HUNK: variants seen among roughly 807,000 people sequenced by gnomAD.
HUNK encodes hormonally up-regulated neu tumor-associated kinase.
Under a neutral mutation model 61.0 loss-of-function variants are expected in HUNK, and 21 were observed. The observed-to-expected ratio is 0.34, with a 90% CI of 0.24 to 0.50. The LOEUF (loss-of-function observed/expected upper bound fraction) is 0.50. Among genes scored for constraint, HUNK ranks in the 20% least tolerant of loss-of-function variants. The probability of loss-of-function intolerance (pLI) is 0.98; values close to 1 mark genes in which losing one functional copy is unlikely to be tolerated. For missense variants in HUNK, 772 were observed against 945.7 expected (o/e 0.82, Z 2.41); for synonymous variants, 371 against 386.1 (o/e 0.96, Z 0.46).
intron 1 of HUNK, among the ~76,000 whole-genome samples, chr21:31,912,149 C>T (rs1338728529): frequency 2.6e-5 from 4 of 152,186 alleles, no homozygotes; most frequent in African/African-American, 9.6e-5. Context: ...CCTCCCTCCC[C>T]ATCTTCTTTC....
At position 32,001,544 on chromosome 21, in the gene HUNK, A is replaced by C. The variant is rs543079036; in HGVS notation, c.*2360A>C. 6.6e-6 allele frequency: 1 copy of C among 152,546 alleles called. No homozygotes were observed. The highest frequency in any genetic ancestry group is 2.4e-5 in the African/African-American group (1 of 41,410). The allele number at this position is 152,546 out of a possible 1,614,324, so 9.4% of individuals were successfully genotyped here. A position where few individuals can be genotyped will look rare whatever the true frequency, so the allele number is the denominator to read the frequency against. On this transcript the variant is annotated 3_prime_UTR_variant, in exon 11 of 11. Coordinates refer to ENST00000270112, the MANE Select transcript of HUNK (RefSeq NM_014586.2). ...TGGCAGGCTTCAAGAACAGCTGCAC[A>C]TGTGCCGCTAACTGACCGCGTTGCC...
Position 31,924,176 on chromosome 21 carries a change from C to T in HUNK, c.262-292C>T, listed in dbSNP as rs1601380896. ...ATTTGACATTAATCCTGCACTGTGC[C>T]TTCCAGACAGCCATTCAGGTTTTCT... On this transcript the variant is annotated intron_variant, in intron 1 of 10. Coordinates refer to ENST00000270112, the MANE Select transcript of HUNK (RefSeq NM_014586.2). This position sits in a 1 kb window ranked among gnomAD's most constrained non-coding sequence, Gnocchi z 5.1. Among the ~76,000 whole-genome samples, 1 of 152,096 alleles carries T rather than the reference C, an allele frequency of 6.6e-6. No individual in the cohort carries two copies. The highest frequency in any genetic ancestry group is 1.5e-5 in the Non-Finnish European group (1 of 68,026).
In HUNK at chr21:32,002,050, GT is replaced by G. The variant is rs1340800257; in HGVS notation, c.*2868del. 6.6e-6 allele frequency: 1 copy of G among 152,534 alleles called. No homozygotes were observed. The allele number at this position is 152,534 out of a possible 1,614,324, so 9.4% of individuals were successfully genotyped here. On this transcript the variant is annotated 3_prime_UTR_variant, in exon 11 of 11. Transcript: ENST00000270112. ...GATAAATCTTAAAACAACTAAGTAC[GT>G]TGCAAATAATAGTACAGGTACCATC...
In HUNK at chr21:31,983,625, A is replaced by G; in HGVS notation, c.1257+16A>G. ...GTCCTATGAGGTGAGTGACCCCTGA[A>G]GCAAACCTCAGGGTCTCTTAGGAAG... is the stretch of plus-strand genomic sequence containing the variant. On this transcript the variant is annotated intron_variant, in intron 8 of 10. Transcript: ENST00000270112. 1 of 1,563,054 alleles carries G rather than the reference A, an allele frequency of 6.4e-7. No homozygotes were observed. Among genetic ancestry groups the G allele is most frequent in the South Asian group, 1.1e-5 (1 of 89,616 alleles).
At chr21:31,920,720 G>A (rs2052616799) in intron 1 of HUNK, among the ~76,000 whole-genome samples, 2 of 152,210 alleles carry the variant, frequency 1.3e-5, no homozygotes, top group Non-Finnish European at 2.9e-5. Flanking sequence ...ATCAGCCCGA[G>A]CTGACTTGAG....
chr21:31,930,229 G>A (rs1394093806), intron 2 of HUNK, among the ~76,000 whole-genome samples: 3 of 152,180 alleles, frequency 2.0e-5, no homozygotes, highest in Non-Finnish European at 4.4e-5. Context: ...TCTTTCCACA[G>A]CTACACAACA....
At chr21:31,948,502 A>G (rs1043977152) in intron 4 of HUNK, among the ~76,000 whole-genome samples, 1 of 151,814 alleles carries the variant, frequency 6.6e-6, no homozygotes, top group Non-Finnish European at 1.5e-5. Context: ...GTCTCAGTCC[A>G]CCTGCTGGAA....
intron 4 of HUNK, 58 bp downstream of exon 4, chr21:31,946,229 C>A: frequency 6.5e-7 from 1 of 1,544,760 alleles, no homozygotes; most frequent in Non-Finnish European, 8.8e-7. Flanking sequence ...CCGTGCCTTC[C>A]TTATGAAATC....
chr21:31,955,864 G>A (rs986926797), intron 4 of HUNK, among the ~76,000 whole-genome samples: 1 of 152,246 alleles, frequency 6.6e-6, no homozygotes, highest in Non-Finnish European at 1.5e-5. Flanking sequence ...TCAGCTTTAG[G>A]TGTGAATGTT....
chr21:31,926,149 C>G (rs538033680), intron 2 of HUNK, among the ~76,000 whole-genome samples: 1 of 152,014 alleles, frequency 6.6e-6, no homozygotes, highest in Non-Finnish European at 1.5e-5. Flanking sequence ...AACTCCTGAC[C>G]TCAGGTGATC....
intron 3 of HUNK, 126 bp from the exon 4 acceptor site, chr21:31,945,910 A>G: frequency 1.1e-6 from 1 of 938,782 alleles, no homozygotes; most frequent in Non-Finnish European, 1.6e-6. Flanking sequence ...TTAGGATGCT[A>G]AATGATGTGT....
intron 7 of HUNK, among the ~76,000 whole-genome samples, chr21:31,981,860 T>G (rs1447342610): frequency 1.3e-5 from 2 of 152,066 alleles, no homozygotes; most frequent in Non-Finnish European, 2.9e-5. Flanking sequence ...TTTATTTACT[T>G]ATTTATTTAG....
intron 7 of HUNK, among the ~76,000 whole-genome samples, chr21:31,980,252 A>G (rs2053086451): frequency 6.6e-6 from 1 of 151,816 alleles, no homozygotes; most frequent in South Asian, 2.1e-4. Flanking sequence ...TTGTATTTTT[A>G]GTAGAGACGG....
At chr21:31,967,500 C>T (rs111649215) in intron 5 of HUNK, among the ~76,000 whole-genome samples, 8 of 152,310 alleles carry the variant, frequency 5.3e-5, no homozygotes, top group African/African-American at 1.9e-4. Context: ...AGCTTCTTAT[C>T]TCCAGTGCTT....
chr21:31,901,950 T>C (rs1167232464), intron 1 of HUNK, among the ~76,000 whole-genome samples: 1 of 152,134 alleles, frequency 6.6e-6, no homozygotes, highest in East Asian at 1.9e-4. Context: ...TAGCTGTCGG[T>C]TGAGAGTCAC....
intron 1 of HUNK, among the ~76,000 whole-genome samples, chr21:31,880,425 A>G (rs1366491552): frequency 6.6e-6 from 1 of 152,186 alleles, no homozygotes; most frequent in Non-Finnish European, 1.5e-5. Context: ...CTCCCTCTGC[A>G]GCCACAGGGA....
At chr21:31,874,057 C>T (rs763727972) in intron 1 of HUNK, 122 bp downstream of exon 1, 21 of 717,176 alleles carry the variant, frequency 2.9e-5, no homozygotes, top group African/African-American at 3.7e-5. Context: ...CTTCCCCCTC[C>T]GCCCGGCTTT....
At chr21:31,877,672 G>A (rs1375666276) in intron 1 of HUNK, among the ~76,000 whole-genome samples, 1 of 152,200 alleles carries the variant, frequency 6.6e-6, no homozygotes, top group Non-Finnish European at 1.5e-5. Flanking sequence ...GATTAGACCA[G>A]GGAAAATGAT....
At chr21:31,928,938 C>T (rs1442319751) in intron 2 of HUNK, among the ~76,000 whole-genome samples, 1 of 151,912 alleles carries the variant, frequency 6.6e-6, no homozygotes, top group Admixed American at 6.6e-5. Flanking sequence ...CCCTGGAGTC[C>T]CTGGTGGGAA....
Sources: allele counts gnomAD v4.1 joint callset (sites outside exome capture counted in the v4.1 genomes callset), GRCh38; gene constraint gnomAD v4.1.1; non-coding constraint Gnocchi (gnomAD v3.1); transcripts MANE v1.5; gene names NCBI Gene and HGNC (gene_info 2026-07-23, HGNC 2026-07-21).